Variants in IGSF11 observed in about 807,000 individuals in gnomAD.
IGSF11 encodes the protein CXADR like 1.
In IGSF11, 22 loss-of-function variants were observed where a neutral mutation model predicts 41.0. The observed-to-expected ratio is 0.54, with a 90% CI of 0.38 to 0.77. The LOEUF (loss-of-function observed/expected upper bound fraction) is 0.77, where lower values mean the gene tolerates loss of function less well. Among genes scored for constraint, IGSF11 ranks in the 30% least tolerant of loss-of-function variants. The pLI is 0.00. For missense variants in IGSF11, 444 were observed against 530.8 expected, an observed-to-expected ratio of 0.84 and a Z score of 1.61; for synonymous variants, 219 against 201.3, an observed-to-expected ratio of 1.09 and a Z score of -0.74.
chr3:119,074,094 A>G (rs1356934018), intron 1 of IGSF11, among the ~76,000 whole-genome samples: 1 of 152,236 alleles, frequency 6.6e-6, no homozygotes, highest in Non-Finnish European at 1.5e-5. Flanking sequence ...CACTGACCAT[A>G]TTAGGCAGAT....
chr3:119,129,353 C>T (rs1009561803), intron 1 of IGSF11, among the ~76,000 whole-genome samples: 3 of 151,902 alleles, frequency 2.0e-5, no homozygotes, highest in South Asian at 2.1e-4. Context: ...AGTAAGTACA[C>T]GGAAAAATAC....
At chr3:119,023,856 T>C (rs1939559961) in intron 1 of IGSF11, among the ~76,000 whole-genome samples, 1 of 152,196 alleles carries the variant, frequency 6.6e-6, no homozygotes, top group Non-Finnish European at 1.5e-5. Context: ...TTTGTGTTCA[T>C]GGTCTTCATC....
rs986684988 is a variant in IGSF11 at position 119,026,234 on chromosome 3, T to A, written c.52+8297A>T. On this transcript the variant is annotated intron_variant, in intron 1 of 6. Coordinates refer to ENST00000393775, the MANE Select transcript of IGSF11 (RefSeq NM_001015887.3). Reference sequence around the variant, plus strand: ...ATAAAGAATTTCAAATGAGTTCATTTTTTATTTTAAAATAACACATGTATA... The same window carrying A: ...ATAAAGAATTTCAAATGAGTTCATTATTTATTTTAAAATAACACATGTATA... 3.3e-5 allele frequency among the ~76,000 whole-genome samples: 5 copies of A among 152,362 alleles called. 1 individual carries two copies. The highest frequency in any genetic ancestry group is 1.9e-4 in the East Asian group (1 of 5,190).
intron 1 of IGSF11, among the ~76,000 whole-genome samples, chr3:118,996,221 T>C (rs951437824): frequency 6.6e-6 from 1 of 152,228 alleles, no homozygotes; most frequent in African/African-American, 2.4e-5. Flanking sequence ...AACCTGTTAG[T>C]GTTAGCAGTG....
At chr3:119,006,474 A>T (rs1434040097) in intron 1 of IGSF11, among the ~76,000 whole-genome samples, 76 of 128,926 alleles carry the variant, frequency 5.9e-4, no homozygotes, top group African/African-American at 1.9e-3. Flanking sequence ...CGTCAAAATC[A>T]TTCTCCATCC....
Position 118,904,796 on chromosome 3 carries a change from G to A in IGSF11, c.706C>T (p.Gln236Ter). 6.3e-7 allele frequency: 1 copy of A among 1,589,358 alleles called. No homozygotes were observed. Among genetic ancestry groups the A allele is most frequent in the African/African-American group, 1.4e-5 (1 of 73,312 alleles). The change falls in exon 6 of 7, where the codon CAG (glutamine) becomes TAG (stop). Residue 236 changes from glutamine (Q) to a stop codon, truncating the protein, a stop_gained and splice_region_variant. Transcript: ENST00000393775. LOFTEE classifies it high-confidence loss of function. ...CLLDLQVISPQPRNIGLIAGA... is the reference protein window; with the variant it reads ...CLLDLQVISP ...GCTATTAGTCCAATGTTCCTGGGCT[G>A]GGCTGCAAAATATATTTAAGATATA... is the stretch of plus-strand genomic sequence containing the variant.
chr3:118,905,891 T>G (rs1353133940), intron 4 of IGSF11, among the ~76,000 whole-genome samples, 173 bp from the exon 5 acceptor site: 1 of 152,188 alleles, frequency 6.6e-6, no homozygotes, highest in Non-Finnish European at 1.5e-5. Context: ...CTAAAACTAC[T>G]ATATCACTTT....
chr3:119,082,439 T>A (rs1172607704), intron 1 of IGSF11, among the ~76,000 whole-genome samples: 4 of 152,170 alleles, frequency 2.6e-5, no homozygotes, highest in African/African-American at 9.7e-5. Flanking sequence ...GCAGCAGAAC[T>A]ATTACAGGTT....
chr3:119,020,372 A>C (rs1303173349), intron 1 of IGSF11, among the ~76,000 whole-genome samples: 2 of 152,066 alleles, frequency 1.3e-5, no homozygotes, highest in African/African-American at 4.8e-5. Flanking sequence ...ACTCTTACAC[A>C]CTCATGCACA....
chr3:118,981,863 C>T (rs752687592), intron 1 of IGSF11: 1 of 152,748 alleles, frequency 6.5e-6, no homozygotes, highest in Non-Finnish European at 1.5e-5. Flanking sequence ...TTCCCAACCG[C>T]CAGTTGAGAG....
chr3:118,994,481 T>G (rs1936083115), intron 1 of IGSF11, among the ~76,000 whole-genome samples: 1 of 152,002 alleles, frequency 6.6e-6, no homozygotes, highest in South Asian at 2.1e-4. Context: ...ACATAGTAAG[T>G]CCTCATCTCT....
chr3:119,131,692 T>A (rs1195132898), intron 1 of IGSF11, among the ~76,000 whole-genome samples: 1 of 151,990 alleles, frequency 6.6e-6, no homozygotes, highest in Non-Finnish European at 1.5e-5. Context: ...ATTCAGGAAA[T>A]ACAGAGAACA....
At chr3:119,012,046 C>A (rs1456252288) in intron 1 of IGSF11, among the ~76,000 whole-genome samples, 1 of 151,318 alleles carries the variant, frequency 6.6e-6, no homozygotes, top group Non-Finnish European at 1.5e-5. Flanking sequence ...AGAGAGAGAG[C>A]GTGAGTGCGA....
chr3:118,990,412 T>C (rs1935679309), intron 1 of IGSF11, among the ~76,000 whole-genome samples: 1 of 152,214 alleles, frequency 6.6e-6, no homozygotes, highest in South Asian at 2.1e-4. Flanking sequence ...GGTCAGAATC[T>C]GTAATTAGAT....
intron 4 of IGSF11, among the ~76,000 whole-genome samples, chr3:118,919,330 A>G (rs1413206142): frequency 7.4e-6 from 1 of 134,600 alleles, no homozygotes; most frequent in Non-Finnish European, 1.5e-5. Flanking sequence ...GCAACCTACA[A>G]CATGGGAGAA....
At chr3:118,945,047 T>C (rs1944011750) in intron 1 of IGSF11, 1 of 152,228 alleles carries the variant, frequency 6.6e-6, no homozygotes, top group South Asian at 2.1e-4. Context: ...TTGTTGGCTT[T>C]AGTTTTTTGA....
chr3:119,143,245 T>A (rs951689705), intron 1 of IGSF11, among the ~76,000 whole-genome samples: 4 of 152,172 alleles, frequency 2.6e-5, no homozygotes, highest in Non-Finnish European at 5.9e-5. Flanking sequence ...AAATGATGGA[T>A]GTACAAAATA....
chr3:118,937,857 TTAGATA>T (rs1459297966), intron 1 of IGSF11, among the ~76,000 whole-genome samples: 2 of 152,164 alleles, frequency 1.3e-5, no homozygotes, highest in Non-Finnish European at 2.9e-5. Context: ...CAGTTTCCCT[TTAGATA>T]TAATTTCAGT....
chr3:118,950,273 G>A (rs188770604), intron 1 of IGSF11, among the ~76,000 whole-genome samples: 24 of 152,172 alleles, frequency 1.6e-4, no homozygotes, highest in African/African-American at 5.3e-4. Flanking sequence ...GATCTGATCC[G>A]TTATATCACC....
Sources: allele counts gnomAD v4.1 joint callset (sites outside exome capture counted in the v4.1 genomes callset), GRCh38; gene constraint gnomAD v4.1.1; transcripts MANE v1.5; gene names NCBI Gene and HGNC (gene_info 2026-07-23, HGNC 2026-07-21).